FRMPD4: variants seen among roughly 807,000 people sequenced by gnomAD.
The protein encoded by FRMPD4 is FERM and PDZ domain containing 4.
A neutral mutation model predicts 94.1 loss-of-function variants in FRMPD4; 22 were observed. The observed-to-expected ratio is 0.23, with a 90% CI of 0.17 to 0.33. The LOEUF (loss-of-function observed/expected upper bound fraction) is 0.33. FRMPD4 is among the 10% of genes least tolerant of loss of function. The pLI is 1.00. For missense variants in FRMPD4, 1,111 were observed against 1,339.9 expected, an observed-to-expected ratio of 0.83 and a Z score of 2.67; for synonymous variants, 631 against 548.6, an observed-to-expected ratio of 1.15 and a Z score of -2.10.
chrX:12,123,894 T>C (rs1035136107), intron 3 of FRMPD4, among the ~76,000 whole-genome samples: 3 of 111,760 alleles, frequency 2.7e-5, no homozygotes, highest in Non-Finnish European at 3.8e-5. Context: ...GGAGCAGACA[T>C]GTCACTGCTA....
intron 1 of FRMPD4, among the ~76,000 whole-genome samples, chrX:11,831,429 A>G (rs2053474290): frequency 9.0e-6 from 1 of 111,357 alleles, no homozygotes; most frequent in Non-Finnish European, 1.9e-5. Flanking sequence ...TGACTGGGTA[A>G]ATATGATGCT....
intron 3 of FRMPD4, among the ~76,000 whole-genome samples, chrX:11,898,519 C>T (rs958659973): frequency 1.8e-5 from 2 of 111,594 alleles, no homozygotes; most frequent in African/African-American, 6.5e-5. Flanking sequence ...CTGAGCTGCT[C>T]CATCAATAAT....
chrX:12,514,885 C>T (rs368109598), intron 2 of FRMPD4, among the ~76,000 whole-genome samples: 1 of 111,925 alleles, frequency 8.9e-6, no homozygotes, highest in African/African-American at 3.2e-5. Flanking sequence ...ATTACTGCCT[C>T]AATTTCAGAA....
chrX:12,340,090 G>A (rs1476218965), intron 1 of FRMPD4, among the ~76,000 whole-genome samples: 3 of 112,258 alleles, frequency 2.7e-5, no homozygotes, highest in Non-Finnish European at 5.6e-5. Flanking sequence ...TGTGCTATCT[G>A]CAACAGGCTT....
At chrX:11,946,499 C>G (rs181157376) in intron 3 of FRMPD4, among the ~76,000 whole-genome samples, 7 of 111,699 alleles carry the variant, frequency 6.3e-5, no homozygotes, top group Non-Finnish European at 1.3e-4. Flanking sequence ...AGTTGTAACT[C>G]TCTTTCCAGA....
intron 3 of FRMPD4, among the ~76,000 whole-genome samples, chrX:11,933,753 T>G (rs746083652): frequency 3.2e-3 from 360 of 111,259 alleles, no homozygotes; most frequent in Admixed American, 5.3e-3. Flanking sequence ...CTTTGTGGGG[T>G]TTTTTTTAGG....
intron 1 of FRMPD4, among the ~76,000 whole-genome samples, chrX:12,346,980 T>C (rs1207112542): frequency 9.0e-6 from 1 of 111,627 alleles, no homozygotes; most frequent in Non-Finnish European, 1.9e-5. Flanking sequence ...TGTATAATTC[T>C]CTTTTTGTGC....
chrX:12,369,719 T>C (rs763651624), intron 1 of FRMPD4, among the ~76,000 whole-genome samples: 1 of 111,623 alleles, frequency 9.0e-6, no homozygotes, highest in African/African-American at 3.3e-5. Context: ...ACTGCTGTTA[T>C]AAAGAAGGGT....
At chrX:12,681,696 T>TAC (rs35651585) in intron 5 of FRMPD4, among the ~76,000 whole-genome samples, 24,931 of 103,864 alleles carry the variant, frequency 0.24, 2,883 homozygotes, top group East Asian at 0.71. Flanking sequence ...CCATCCAGGA[T>TAC]ACACACACAC....
chrX:12,558,298 A>G (rs2058617649), intron 2 of FRMPD4, among the ~76,000 whole-genome samples: 1 of 112,899 alleles, frequency 8.9e-6, no homozygotes, highest in Admixed American at 9.4e-5. Flanking sequence ...AGAAACAATG[A>G]GGGTACATTA....
At chrX:11,886,985 G>A (rs1373305208) in intron 3 of FRMPD4, among the ~76,000 whole-genome samples, 1 of 110,393 alleles carries the variant, frequency 9.1e-6, no homozygotes, top group Non-Finnish European at 1.9e-5. Context: ...GTTTTCTACA[G>A]CATTCTCACA....
At chrX:12,684,015 C>T (rs2059997325) in intron 6 of FRMPD4, among the ~76,000 whole-genome samples, 1 of 112,063 alleles carries the variant, frequency 8.9e-6, no homozygotes, top group African/African-American at 3.2e-5. Flanking sequence ...CTCCTTTTTA[C>T]TTCCCCAGAA....
At chrX:12,529,398 TA>T (rs1249301962) in intron 2 of FRMPD4, among the ~76,000 whole-genome samples, 1 of 112,729 alleles carries the variant, frequency 8.9e-6, no homozygotes, top group Non-Finnish European at 1.9e-5. Context: ...ATAGAAGTGA[TA>T]TCTCCCCAAT....
At chrX:12,141,631 C>G (rs1192140458) in intron 1 of FRMPD4, among the ~76,000 whole-genome samples, 1 of 110,831 alleles carries the variant, frequency 9.0e-6, no homozygotes, top group Non-Finnish European at 1.9e-5. Context: ...GTAGTTGGCA[C>G]CCTTTACATC....
chrX:12,678,029 C>T (rs1482715695), intron 5 of FRMPD4, among the ~76,000 whole-genome samples: 2 of 112,276 alleles, frequency 1.8e-5, no homozygotes, highest in East Asian at 2.8e-4. Flanking sequence ...CCAGTGTAAA[C>T]ATTTTGACCT....
chrX:12,369,958 A>G (rs1246629211), intron 1 of FRMPD4, among the ~76,000 whole-genome samples: 1 of 112,172 alleles, frequency 8.9e-6, no homozygotes, highest in Non-Finnish European at 1.9e-5. Context: ...TCATACGTAT[A>G]TATGCTTTTT....
intron 1 of FRMPD4, among the ~76,000 whole-genome samples, chrX:11,855,686 C>T (rs188753394): frequency 3.9e-4 from 44 of 112,278 alleles, no homozygotes; most frequent in African/African-American, 1.1e-3. Context: ...CTTCATTGTC[C>T]ACATCACTAT....
At chrX:12,232,618 T>C (rs1468488607) in intron 1 of FRMPD4, among the ~76,000 whole-genome samples, 2 of 111,092 alleles carry the variant, frequency 1.8e-5, no homozygotes, top group Non-Finnish European at 3.8e-5. Context: ...CCTAGAGAGA[T>C]TAGATTGGCA....
intron 2 of FRMPD4, among the ~76,000 whole-genome samples, chrX:12,538,059 C>T (rs1158899087): frequency 9.0e-6 from 1 of 111,263 alleles, no homozygotes; most frequent in African/African-American, 3.3e-5. Flanking sequence ...CGCAAGGGGT[C>T]AGGGAATTCC....
Sources: gnomAD v4.1 joint callset for allele counts (sites outside exome capture counted in the v4.1 genomes callset) on GRCh38, gnomAD v4.1.1 for gene constraint, MANE v1.5 for transcripts, NCBI Gene and HGNC (gene_info 2026-07-23, HGNC 2026-07-21) for gene names.